FCN2: variants seen among roughly 807,000 people sequenced by gnomAD.
FCN2 encodes ficolin 2.
A neutral mutation model predicts 32.5 loss-of-function variants in FCN2; 31 were observed. The ratio of observed to expected loss-of-function variants is 0.96; its 90% CI spans 0.72 to 1.29. The LOEUF is 1.29. FCN2 is among the 50% of genes most tolerant of loss of function. The probability of loss-of-function intolerance (pLI) is 0.00; values close to 1 mark genes in which losing one functional copy is unlikely to be tolerated. For synonymous variants in FCN2, 181 were observed against 164.5 expected (o/e 1.10, Z -0.77); for missense variants, 412 against 406.5 (o/e 1.01, Z -0.12).
rs1253553975 is a variant in FCN2, at chr9:134,885,385, A to G, written c.429+19A>G. 1 of 1,610,914 alleles carries G rather than the reference A, an allele frequency of 6.2e-7. No homozygotes were observed. Among genetic ancestry groups the G allele is most frequent in the Admixed American group, 1.7e-5 (1 of 59,588 alleles). On this transcript the variant is annotated intron_variant, in intron 5 of 7. Coordinates refer to ENST00000291744, the MANE Select transcript of FCN2 (RefSeq NM_004108.3). ...CTGGACCGTGAGTGTGGGGCTGGGC[A>G]GAGGCGGTCAGCCTGGGAGTCCCGG...
At chr9:134,877,639 G>A (rs983619427), upstream of FCN2, among the ~76,000 whole-genome samples, 1 of 152,164 alleles carries the variant, frequency 6.6e-6, no homozygotes, top group African/African-American at 2.4e-5. Flanking sequence ...TCTCATGGCC[G>A]TGTTCTCCAT....
intron 2 of FCN2, among the ~76,000 whole-genome samples, chr9:134,883,007 G>C (rs1032355985): frequency 1.8e-4 from 27 of 152,298 alleles, no homozygotes; most frequent in African/African-American, 4.8e-4. Flanking sequence ...GGCTCAGAGA[G>C]TCCAGGGATT....
chr9:134,865,762 A>C, the FCN2 span, among the ~76,000 whole-genome samples: 1 of 152,196 alleles, frequency 6.6e-6, no homozygotes, highest in African/African-American at 2.4e-5. Context: ...AAAATGAAAA[A>C]TATTTTTTCA....
In FCN2 at chr9:134,887,172, T is replaced by C. The variant is rs963470596; in HGVS notation, c.699T>C (p.Asp233=). 2 of 1,613,970 alleles carry C rather than the reference T, an allele frequency of 1.2e-6. No homozygotes were observed. Among genetic ancestry groups the C allele is most frequent in the South Asian group, 1.1e-5 (1 of 91,082 alleles). ...LGAFVEGSAG[D]SLTFHNNQSF... ...CTCACATTTCCTCCTGCACAGGAGATTCCCTGACGTTCCACAACAACCAGT... is the reference window on the plus strand; with the variant it reads ...CTCACATTTCCTCCTGCACAGGAGACTCCCTGACGTTCCACAACAACCAGT... The change falls in exon 8 of 8, where the codon GAT becomes GAC. Residue 233 remains aspartate, a synonymous_variant. Coordinates refer to ENST00000291744, the MANE Select transcript of FCN2 (RefSeq NM_004108.3).
chr9:134,873,898 T>TGG, the FCN2 span, among the ~76,000 whole-genome samples: 1 of 46,526 alleles, frequency 2.1e-5, no homozygotes, highest in African/African-American at 1.0e-4. Flanking sequence ...TTTTGTTTTT[T>TGG]GTTTTTTTTT....
chr9:134,869,469 C>T, the FCN2 span, among the ~76,000 whole-genome samples: 2,000 of 152,312 alleles, frequency 0.013, 37 homozygotes, highest in South Asian at 0.093. Flanking sequence ...GCCCAGACCC[C>T]GCAGAGGGTG....
the FCN2 span, among the ~76,000 whole-genome samples, chr9:134,871,725 A>T: frequency 2.0e-5 from 3 of 152,174 alleles, no homozygotes; most frequent in African/African-American, 4.8e-5. Flanking sequence ...ACCCGAGAGG[A>T]AAGAGCCATC....
At chr9:134,870,177 T>G in the FCN2 span, among the ~76,000 whole-genome samples, 30 of 152,286 alleles carry the variant, frequency 2.0e-4, no homozygotes, top group Admixed American at 7.8e-4. This position sits in a 1 kb window ranked among gnomAD's most constrained non-coding sequence, Gnocchi z 4.3. Flanking sequence ...GGACACTGGA[T>G]GCCGGTTTCC....
upstream of FCN2, among the ~76,000 whole-genome samples, chr9:134,877,791 G>C (rs192809417): frequency 9.2e-5 from 14 of 152,340 alleles, no homozygotes; most frequent in African/African-American, 3.4e-4. Flanking sequence ...CCTGGGCTGA[G>C]GCACAGAGGT....
At chr9:134,874,368 A>G in the FCN2 span, among the ~76,000 whole-genome samples, 1 of 152,196 alleles carries the variant, frequency 6.6e-6, no homozygotes, top group Non-Finnish European at 1.5e-5. Context: ...ACTGAGAGCT[A>G]TGATCTATTT....
rs141131781 is a variant in FCN2 at position 134,880,922 on chromosome 9, G to A, written c.100+1G>A. On this transcript the variant is annotated splice_donor_variant, in intron 1 of 7. Transcript: ENST00000291744. LOFTEE classifies it high-confidence loss of function. ...CTCCAGGCGGCAGACACCTGTCCAG[G>A]TAAGGGCACTCCAGGGCCTCCTCCT... The A allele has an allele frequency of 4.2e-4, 671 of 1,609,416 alleles. 2 individuals are homozygous for A. Among genetic ancestry groups the A allele is most frequent in the South Asian group, 6.2e-4 (56 of 90,530 alleles).
intron 1 of FCN2, among the ~76,000 whole-genome samples, chr9:134,881,447 C>T (rs1473085193): frequency 6.6e-6 from 1 of 152,094 alleles, no homozygotes; most frequent in Non-Finnish European, 1.5e-5. Context: ...GTGGCATTGT[C>T]CCCGTGAGTT....
intron 1 of FCN2, 43 bp from the exon 2 acceptor site, chr9:134,882,483 C>T (rs760964201): frequency 6.6e-7 from 1 of 1,510,750 alleles, no homozygotes; most frequent in Admixed American, 1.7e-5. Flanking sequence ...GTGGAGTCTT[C>T]AGGCCCAGGT....
At chr9:134,878,096 G>C (rs923090661), upstream of FCN2, among the ~76,000 whole-genome samples, 4 of 152,140 alleles carry the variant, frequency 2.6e-5, no homozygotes, top group African/African-American at 9.7e-5. Flanking sequence ...TCCTGCCCTC[G>C]AACATCAGAC....
chr9:134,885,349 G>A lies in FCN2; in HGVS notation c.412G>A (p.Asp138Asn). ...PLTVLCDMDT[D>N]GGGWTVFQRR... ...GACTGTGCTCTGTGACATGGACACGGACGGAGGGGGCTGGACCGTGAGTGT... is the reference window on the plus strand; with the variant it reads ...GACTGTGCTCTGTGACATGGACACGAACGGAGGGGGCTGGACCGTGAGTGT... The change falls in exon 5 of 8, where the codon GAC becomes AAC. Residue 138 changes from aspartate (D) to asparagine (N), a missense_variant. By Grantham distance (23) the Asp-to-Asn change is conservative (BLOSUM62 1). Transcript: ENST00000291744. 1 of 1,613,930 alleles carries A rather than the reference G, an allele frequency of 6.2e-7. No individual in the cohort carries two copies. Among genetic ancestry groups the A allele is most frequent in the Non-Finnish European group, 8.5e-7 (1 of 1,179,956 alleles).
chr9:134,882,402 AGCCATC>A (rs1173875726), intron 1 of FCN2, 118 bp from the exon 2 acceptor site: 1 of 815,180 alleles, frequency 1.2e-6, no homozygotes, highest in Non-Finnish European at 2.1e-6. Context: ...CTGTGGCTAT[AGCCATC>A]TGCCCAGTCC....
rs1588646019 is a variant in FCN2, at chr9:134,886,681, T to A, written c.694+117T>A. 10 of 1,176,550 alleles carry A rather than the reference T, an allele frequency of 8.5e-6. No homozygotes were observed. The East Asian group carries it at 2.4e-4, about 28-fold the overall frequency. 72.9% of individuals were successfully genotyped at this position (1,176,550 alleles called of 1,614,324 possible). Reference sequence around the variant, plus strand: ...AAGAGGCCTCACCTCTCTGAGCCAATTCGTCCATCTCTACATGCAGACACT... The same window carrying A: ...AAGAGGCCTCACCTCTCTGAGCCAAATCGTCCATCTCTACATGCAGACACT... On this transcript the variant is annotated intron_variant, in intron 7 of 7. Coordinates refer to ENST00000291744, the MANE Select transcript of FCN2 (RefSeq NM_004108.3).
the FCN2 span, among the ~76,000 whole-genome samples, chr9:134,869,783 A>G: frequency 6.6e-6 from 1 of 152,230 alleles, no homozygotes; most frequent in African/African-American, 2.4e-5. Flanking sequence ...TGTGGGGAGC[A>G]TGGAGGAGCC....
Position 134,887,195 on chromosome 9 carries a change from A to G in FCN2, c.722A>G (p.Gln241Arg). Residue 241 changes from glutamine to arginine, a missense_variant, in exon 8 of 8, where the codon CAG becomes CGG. By Grantham distance (43) the Gln-to-Arg change is conservative. Transcript: ENST00000291744. ...GATTCCCTGACGTTCCACAACAACC[A>G]GTCCTTCTCCACCAAAGACCAGGAC... ...AGDSLTFHNN[Q>R]SFSTKDQDND... 5.0e-6 allele frequency: 8 copies of G among 1,614,200 alleles called. No individual in the cohort carries two copies. Among genetic ancestry groups the G allele is most frequent in the Non-Finnish European group, 6.8e-6 (8 of 1,179,998 alleles).
Sources: allele counts gnomAD v4.1 joint callset (sites outside exome capture counted in the v4.1 genomes callset), GRCh38; gene constraint gnomAD v4.1.1; non-coding constraint Gnocchi (gnomAD v3.1); transcripts MANE v1.5; gene names NCBI Gene and HGNC (gene_info 2026-07-23, HGNC 2026-07-21).